Variants in ATG7 observed in about 807,000 individuals in gnomAD.
ATG7 encodes the protein autophagy related 7.
Under a neutral mutation model 82.4 loss-of-function variants are expected in ATG7, and 70 were observed. The ratio of observed to expected loss-of-function variants is 0.85; its 90% CI spans 0.70 to 1.04. The LOEUF is 1.04. ATG7 is among the 50% of genes least tolerant of loss of function. The pLI, the probability that ATG7 is intolerant of heterozygous loss-of-function variation, is 0.00. For synonymous variants in ATG7, 287 were observed against 313.0 expected (o/e 0.92, Z 0.88); for missense variants, 792 against 864.3 (o/e 0.92, Z 1.05).
chr3:11,272,938 A>T (rs1200320819), intron 1 of ATG7, among the ~76,000 whole-genome samples: 1 of 152,260 alleles, frequency 6.6e-6, no homozygotes, highest in Non-Finnish European at 1.5e-5. Flanking sequence ...AGGGTTAGAA[A>T]CTAATGCACA....
At chr3:11,528,708 C>T (rs998008956) in intron 20 of ATG7, among the ~76,000 whole-genome samples, 1 of 151,722 alleles carries the variant, frequency 6.6e-6, no homozygotes, top group Non-Finnish European at 1.5e-5. Context: ...CACCTGTAGT[C>T]CCAGCTACTC....
chr3:11,564,678 C>CT, the ATG7 span: 1 of 1,242,882 alleles, frequency 8.0e-7, no homozygotes, highest in Non-Finnish European at 1.1e-6. Context: ...CACCACCTCC[C>CT]TCCCTCACCA....
chr3:11,448,112 C>T (rs774859403), intron 20 of ATG7, among the ~76,000 whole-genome samples: 11 of 152,174 alleles, frequency 7.2e-5, no homozygotes, highest in Admixed American at 2.6e-4. Flanking sequence ...TCTGGATTTA[C>T]CCCCATCTTC....
intron 19 of ATG7, among the ~76,000 whole-genome samples, chr3:11,380,845 A>G (rs4580536): frequency 0.83 from 125,597 of 152,126 alleles, 52,041 homozygotes; most frequent in East Asian, 1. Context: ...TACAATTTGG[A>G]ACTATTTTTC....
chr3:11,445,684 C>A, intron 20 of ATG7, among the ~76,000 whole-genome samples: 1 of 151,994 alleles, frequency 6.6e-6, no homozygotes, highest in South Asian at 2.1e-4. Context: ...TTACAAGTTT[C>A]AAAAAAAGAA....
chr3:11,360,444 T>A, intron 15 of ATG7, 137 bp from the exon 16 acceptor site: 1 of 830,022 alleles, frequency 1.2e-6, no homozygotes, highest in Non-Finnish European at 1.9e-6. Context: ...GTAGATTTTA[T>A]CATCATTAGC....
intron 20 of ATG7, among the ~76,000 whole-genome samples, chr3:11,469,374 G>A (rs533753230): frequency 1.5e-4 from 23 of 152,118 alleles, no homozygotes; most frequent in Non-Finnish European, 1.0e-4. Context: ...GCTTGAACCC[G>A]GGAGGTGGAG....
rs532433821 is a variant in ATG7, at chr3:11,328,465, A to G, written c.679-2875A>G. Among the ~76,000 whole-genome samples, 19 of 152,344 alleles carry G rather than the reference A, an allele frequency of 1.2e-4. No individual in the cohort carries two copies. In the South Asian group the frequency reaches 2.3e-3, roughly 18 times the overall value. On this transcript the variant is annotated intron_variant, in intron 9 of 20. Coordinates refer to ENST00000693202, the MANE Select transcript of ATG7 (RefSeq NM_001349232.2). ...TATGAACCTGTTTGTATTAAATTAAATACGAATCTGTCTATTTGCGTTTAA... is the reference window on the plus strand; with the variant it reads ...TATGAACCTGTTTGTATTAAATTAAGTACGAATCTGTCTATTTGCGTTTAA...
At chr3:11,377,971 G>T (rs1199046449) in intron 18 of ATG7, among the ~76,000 whole-genome samples, 2 of 149,590 alleles carry the variant, frequency 1.3e-5, no homozygotes, top group South Asian at 2.1e-4. Flanking sequence ...GGAACTAAAA[G>T]GTTGTCATAT....
chr3:11,283,177 C>T (rs1398596414), intron 3 of ATG7, among the ~76,000 whole-genome samples: 1 of 152,202 alleles, frequency 6.6e-6, no homozygotes, highest in Non-Finnish European at 1.5e-5. Context: ...TAGTGGGAGA[C>T]TGACCATTTC....
At chr3:11,360,832 T>C (rs1194270264) in intron 16 of ATG7, 48 bp downstream of exon 16, 1 of 1,592,908 alleles carries the variant, frequency 6.3e-7, no homozygotes, top group Non-Finnish European at 8.6e-7. Context: ...CACCAACTTG[T>C]ACACTGAGGC....
At chr3:11,393,492 A>G (rs1343296196) in intron 19 of ATG7, among the ~76,000 whole-genome samples, 1 of 152,168 alleles carries the variant, frequency 6.6e-6, no homozygotes, top group African/African-American at 2.4e-5. Context: ...AAAATAAATT[A>G]CAGATAATAG....
chr3:11,515,940 A>G (rs1018895387), intron 20 of ATG7, among the ~76,000 whole-genome samples: 3 of 151,376 alleles, frequency 2.0e-5, no homozygotes, highest in Non-Finnish European at 4.4e-5. Flanking sequence ...ATGGTTGGGT[A>G]GTGTGTGCTG....
chr3:11,324,005 G>A (rs1575447810), intron 9 of ATG7, among the ~76,000 whole-genome samples: 4 of 152,152 alleles, frequency 2.6e-5, no homozygotes, highest in South Asian at 2.1e-4. Context: ...TTCTCACAGT[G>A]TACTTTTTCA....
At chr3:11,460,000 G>C (rs1384062773) in intron 20 of ATG7, among the ~76,000 whole-genome samples, 1 of 152,144 alleles carries the variant, frequency 6.6e-6, no homozygotes, top group African/African-American at 2.4e-5. Flanking sequence ...GTCTCAAATC[G>C]TACAGAGATT....
intron 20 of ATG7, 52 bp from the exon 21 acceptor site, chr3:11,554,759 C>A: frequency 6.2e-7 from 1 of 1,603,016 alleles, no homozygotes; most frequent in East Asian, 2.2e-5. Flanking sequence ...TCTGTGTGCC[C>A]CCCACCGGGC....
chr3:11,423,368 TTG>T (rs2082097297), intron 19 of ATG7, among the ~76,000 whole-genome samples: 4 of 152,188 alleles, frequency 2.6e-5, no homozygotes, highest in Non-Finnish European at 5.9e-5. Context: ...GTTTGAAATA[TTG>T]TGAGAATTAC....
In ATG7 at chr3:11,554,993, T is replaced by TGGCC. The variant is rs2072267171; in HGVS notation, c.*151_*154dup. On this transcript the variant is annotated 3_prime_UTR_variant, in exon 21 of 21. Coordinates refer to ENST00000693202, the MANE Select transcript of ATG7 (RefSeq NM_001349232.2). ...GATTCCCCCCTCTGCTGCCCAGGAG[T>TGGCC]GGCCAGTGTTCGGCGTTGCTCGGGA... 1.0e-6 allele frequency: 1 copy of TGGCC among 991,598 alleles called. No homozygotes were observed. The highest frequency in any genetic ancestry group is 1.7e-5 in the South Asian group (1 of 57,404). 61.4% of individuals were successfully genotyped at this position (991,598 alleles called of 1,614,324 possible). A position where few individuals can be genotyped will look rare whatever the true frequency, so the allele number is the denominator to read the frequency against.
chr3:11,341,795 T>C (rs1227839204), intron 12 of ATG7, among the ~76,000 whole-genome samples: 1 of 152,028 alleles, frequency 6.6e-6, no homozygotes, highest in Non-Finnish European at 1.5e-5. Flanking sequence ...ATGGGAGAAA[T>C]TTCTGTTTTC....
Sources: allele counts gnomAD v4.1 joint callset (sites outside exome capture counted in the v4.1 genomes callset), GRCh38; gene constraint gnomAD v4.1.1; transcripts MANE v1.5; gene names NCBI Gene and HGNC (gene_info 2026-07-23, HGNC 2026-07-21).